Variants in RAP1GDS1 observed in about 807,000 individuals in gnomAD.
RAP1GDS1 encodes the protein RAP1, GTP-GDP dissociation stimulator 1.
RAP1GDS1 carries 35 observed loss-of-function variants against 71.1 expected under a neutral mutation model. The ratio of observed to expected loss-of-function variants is 0.49; its 90% confidence interval spans 0.38 to 0.65. The LOEUF is 0.65. Ranked by LOEUF, RAP1GDS1 falls within the 30% of genes least tolerant of loss-of-function variation. The probability of loss-of-function intolerance (pLI) is 0.00; values close to 1 mark genes in which losing one functional copy is unlikely to be tolerated. For synonymous variants in RAP1GDS1, 229 were observed against 243.1 expected (o/e 0.94, Z 0.54); for missense variants, 663 against 706.1 (o/e 0.94, Z 0.69).
intron 14 of RAP1GDS1, among the ~76,000 whole-genome samples, chr4:98,437,513 GC>G (rs1246445714): frequency 6.6e-6 from 1 of 152,108 alleles, no homozygotes; most frequent in African/African-American, 2.4e-5. Flanking sequence ...TGTTTAGGAG[GC>G]CAGGCACGGT....
chr4:98,324,274 C>G (rs1284145156), intron 2 of RAP1GDS1, among the ~76,000 whole-genome samples: 1 of 150,456 alleles, frequency 6.6e-6, no homozygotes, highest in African/African-American at 2.5e-5. Flanking sequence ...TAAAAGAGGA[C>G]ACAAACAAAT....
At chr4:98,348,595 T>C (rs1178984397) in intron 3 of RAP1GDS1, among the ~76,000 whole-genome samples, 1 of 152,188 alleles carries the variant, frequency 6.6e-6, no homozygotes, top group Admixed American at 6.5e-5. Context: ...AGTGTAAAAG[T>C]GTTCCTATTT....
rs532771686 is a variant in RAP1GDS1 at position 98,293,405 on chromosome 4, C to T, written c.5-3C>T. 2.5e-6 allele frequency: 4 copies of T among 1,572,754 alleles called. No individual in the cohort carries two copies. The East Asian group carries it at 9.0e-5, about 35-fold the overall frequency. ...TTTCTGATTTTTTTTTTTCTTTAAG[C>T]AGATAATCTCAGTGATACCTTGAAG... On this transcript the variant is annotated splice_polypyrimidine_tract_variant and splice_region_variant and intron_variant, in intron 1 of 14. Transcript: ENST00000408927.
intron 6 of RAP1GDS1, among the ~76,000 whole-genome samples, chr4:98,394,369 G>A (rs1167675993): frequency 2.6e-5 from 4 of 152,104 alleles, no homozygotes; most frequent in Non-Finnish European, 5.9e-5. Flanking sequence ...CTTATGAAAA[G>A]AGCATAACAA....
chr4:98,337,681 G>A (rs1734898503), intron 2 of RAP1GDS1, among the ~76,000 whole-genome samples: 1 of 152,190 alleles, frequency 6.6e-6, no homozygotes, highest in South Asian at 2.1e-4. Flanking sequence ...TTTCAGTCAG[G>A]TACCTTTTAA....
chr4:98,395,506 C>T (rs564783080), intron 6 of RAP1GDS1, among the ~76,000 whole-genome samples: 3 of 152,098 alleles, frequency 2.0e-5, no homozygotes, highest in Non-Finnish European at 4.4e-5. Context: ...GAGATACCTG[C>T]AAAAGTATTG....
chr4:98,299,369 C>A (rs188273076), intron 2 of RAP1GDS1, among the ~76,000 whole-genome samples: 1 of 152,200 alleles, frequency 6.6e-6, no homozygotes, highest in East Asian at 1.9e-4. Context: ...AATAAACATA[C>A]GTGTGCATGT....
At chr4:98,339,740 A>G (rs537977923) in intron 2 of RAP1GDS1, among the ~76,000 whole-genome samples, 32 of 152,340 alleles carry the variant, frequency 2.1e-4, no homozygotes, top group African/African-American at 7.7e-4. Flanking sequence ...TGCAAAAAGT[A>G]TATATGAAAT....
rs1361818624 is a variant in RAP1GDS1, at chr4:98,279,153, G to A, written c.5-14255G>A. ...GCAGGAGAATGGCATGTACCCAGGAGGCAGAGCTTGCAGTGAGCCGAGATC... is the reference window on the plus strand; with the variant it reads ...GCAGGAGAATGGCATGTACCCAGGAAGCAGAGCTTGCAGTGAGCCGAGATC... On this transcript the variant is annotated intron_variant, in intron 1 of 14. Transcript: ENST00000408927. Among the ~76,000 whole-genome samples the A allele has an allele frequency of 2.0e-5, 3 of 152,178 alleles. No individual in the cohort carries two copies. The East Asian group carries it at 5.8e-4, about 30-fold the overall frequency.
In RAP1GDS1 at chr4:98,374,097, T is replaced by G. The variant is rs1287085710; in HGVS notation, c.362-4920T>G. ...ACCATGGGTAACAAACTGCAGAAAG[T>G]AAAACCATGGATGAAGGGGGACTAC... On this transcript the variant is annotated intron_variant, in intron 4 of 14. Transcript: ENST00000408927. Among the ~76,000 whole-genome samples, 5 of 152,310 alleles carry G rather than the reference T, an allele frequency of 3.3e-5. No homozygotes were observed. The East Asian group carries it at 9.6e-4, about 29-fold the overall frequency.
At chr4:98,441,859 GCT>G in intron 14 of RAP1GDS1, 129 bp from the exon 15 acceptor site, 2 of 1,010,598 alleles carry the variant, frequency 2.0e-6, no homozygotes, top group Non-Finnish European at 2.7e-6. Flanking sequence ...CTAGGCTACT[GCT>G]ATGTCTTTTT....
In RAP1GDS1 at chr4:98,352,597, T is replaced by G. The variant is rs185170849; in HGVS notation, c.357T>G (p.Asp119Glu). 6 of 1,613,500 alleles carry G rather than the reference T, an allele frequency of 3.7e-6. No homozygotes were observed. The East Asian group carries it at 1.3e-4, about 36-fold the overall frequency. Residue 119 changes from aspartate (D) to glutamate (E), a missense_variant, in exon 4 of 15, where the codon GAT becomes GAG. Physicochemically the swap from Asp to Glu is conservative, Grantham distance 45. Coordinates refer to ENST00000408927, the MANE Select transcript of RAP1GDS1 (RefSeq NM_001100427.2). ...TGRALGNICY[D>E]SHEGRSAVDQ... ...GGGCTCTAGGAAACATATGTTACGA[T>G]AGCCGTAAGTGTTGACATCTCAATA...
intron 2 of RAP1GDS1, among the ~76,000 whole-genome samples, 185 bp downstream of exon 2, chr4:98,293,700 A>G (rs603215): frequency 0.091 from 13,882 of 152,024 alleles, 947 homozygotes; most frequent in East Asian, 0.36. Flanking sequence ...CGCCCCCGCA[A>G]GATCCTCAAA....
chr4:98,263,054 A>G (rs1197394421), intron 1 of RAP1GDS1, among the ~76,000 whole-genome samples: 1 of 152,214 alleles, frequency 6.6e-6, no homozygotes, highest in Non-Finnish European at 1.5e-5. Context: ...TTAAATAGGT[A>G]TTATATCAGA....
intron 4 of RAP1GDS1, among the ~76,000 whole-genome samples, chr4:98,370,094 C>A (rs1740135113): frequency 6.6e-6 from 1 of 152,158 alleles, no homozygotes; most frequent in Admixed American, 6.5e-5. Flanking sequence ...CCTCACACTT[C>A]CCTCTTTTTC....
At chr4:98,326,133 A>G (rs1318371816) in intron 2 of RAP1GDS1, among the ~76,000 whole-genome samples, 1 of 132,114 alleles carries the variant, frequency 7.6e-6, no homozygotes, top group Non-Finnish European at 1.7e-5. Context: ...CTTTGGTTTG[A>G]TATTTCTTTC....
chr4:98,365,220 C>A (rs1465635049), intron 4 of RAP1GDS1, among the ~76,000 whole-genome samples: 1 of 152,072 alleles, frequency 6.6e-6, no homozygotes, highest in Non-Finnish European at 1.5e-5. Context: ...TTTGACTCTT[C>A]CCAGTAAACC....
intron 7 of RAP1GDS1, among the ~76,000 whole-genome samples, chr4:98,415,391 A>G (rs1451074278): frequency 1.3e-5 from 2 of 152,260 alleles, no homozygotes; most frequent in Admixed American, 6.5e-5. Flanking sequence ...GCTTACAAAG[A>G]TAACAGGATT....
chr4:98,368,601 G>A (rs1246797664), intron 4 of RAP1GDS1, among the ~76,000 whole-genome samples: 1 of 152,040 alleles, frequency 6.6e-6, no homozygotes, highest in Admixed American at 6.5e-5. Context: ...GAGATCAATT[G>A]CATTATTTTT....
Sources: gnomAD v4.1 joint callset for allele counts (sites outside exome capture counted in the v4.1 genomes callset) on GRCh38, gnomAD v4.1.1 for gene constraint, MANE v1.5 for transcripts, NCBI Gene and HGNC (gene_info 2026-07-23, HGNC 2026-07-21) for gene names.